TENM3: variants seen among roughly 807,000 people sequenced by gnomAD.
TENM3 encodes teneurin transmembrane protein 3.
Under a neutral mutation model 255.1 loss-of-function variants are expected in TENM3, and 63 were observed. The ratio of observed to expected loss-of-function variants is 0.25; its 90% CI spans 0.20 to 0.30. The LOEUF is 0.30. Among genes scored for constraint, TENM3 ranks in the 10% least tolerant of loss-of-function variants. TENM3 has a pLI of 1.00. For missense variants in TENM3, 2,929 were observed against 3,461.1 expected, an observed-to-expected ratio of 0.85 and a Z score of 3.86; for synonymous variants, 1,306 against 1,322.3, an observed-to-expected ratio of 0.99 and a Z score of 0.27.
intron 1 of TENM3, among the ~76,000 whole-genome samples, chr4:182,267,963 C>T (rs1759348582): frequency 6.6e-6 from 1 of 152,128 alleles, no homozygotes; most frequent in African/African-American, 2.4e-5. Context: ...TGTGAACCAA[C>T]CAGTGATCTC....
the TENM3 span, among the ~76,000 whole-genome samples, chr4:182,017,272 C>T: frequency 6.6e-6 from 1 of 152,246 alleles, no homozygotes; most frequent in South Asian, 2.1e-4. Context: ...AAAATACAGG[C>T]ATGAGAAATG....
At chr4:182,784,426 T>G (rs1765449357) in intron 24 of TENM3, among the ~76,000 whole-genome samples, 1 of 151,552 alleles carries the variant, frequency 6.6e-6, no homozygotes, top group South Asian at 2.1e-4. Context: ...GATCTCCAGC[T>G]GCGTGCTGGG....
the TENM3 span, among the ~76,000 whole-genome samples, chr4:181,912,215 C>T: frequency 6.6e-6 from 1 of 152,212 alleles, no homozygotes; most frequent in African/African-American, 2.4e-5. Flanking sequence ...AAGTTGACAA[C>T]TTAGTTGGAT....
chr4:182,754,398 G>T lies in TENM3; in HGVS notation c.4031G>T (p.Trp1344Leu). The T allele has an allele frequency of 6.2e-7, 1 of 1,601,996 alleles. No individual in the cohort carries two copies. Among genetic ancestry groups the T allele is most frequent in the Non-Finnish European group, 8.5e-7 (1 of 1,172,976 alleles). Residue 1344 changes from tryptophan to leucine, a missense_variant, in exon 22 of 28, where the codon TGG becomes TTG. Physicochemically the swap from Trp to Leu is moderately conservative, Grantham distance 61 (BLOSUM62 -2). Transcript: ENST00000511685. This position sits in a 1 kb window ranked among gnomAD's most constrained non-coding sequence, Gnocchi z 5.1. ...SMHISQVRLE[W>L]PTDLAINPMD... Reference sequence around the variant, plus strand: ...TTTTTTATTAAGGTACGTCTGGAATGGCCCACTGACCTAGCCATTAACCCT... The same window carrying T: ...TTTTTTATTAAGGTACGTCTGGAATTGCCCACTGACCTAGCCATTAACCCT...
At chr4:182,626,284 A>T (rs531891866) in intron 4 of TENM3, among the ~76,000 whole-genome samples, 1 of 152,182 alleles carries the variant, frequency 6.6e-6, no homozygotes, top group Non-Finnish European at 1.5e-5. Flanking sequence ...CCAGGGAATT[A>T]ATTTTGTACA....
rs138864089 is a variant in TENM3, at chr4:182,279,374, G to A, written c.-76+35898G>A. 5.6e-4 allele frequency among the ~76,000 whole-genome samples: 85 copies of A among 152,006 alleles called. No homozygotes were observed. The East Asian group carries it at 0.016, about 28-fold the overall frequency. On this transcript the variant is annotated intron_variant, in intron 1 of 27. Transcript: ENST00000511685. ...ATTATCATCTTTAGTATAAAATGTC[G>A]ATCAGTACTCCTCATAGTCTGGAAA...
At chr4:181,725,709 A>C in the TENM3 span, among the ~76,000 whole-genome samples, 1 of 152,042 alleles carries the variant, frequency 6.6e-6, no homozygotes. Flanking sequence ...CTCAAAATGC[A>C]GGGATTACAG....
At chr4:182,691,830 A>G (rs749735533) in intron 12 of TENM3, among the ~76,000 whole-genome samples, 2 of 152,246 alleles carry the variant, frequency 1.3e-5, no homozygotes, top group East Asian at 3.8e-4. Flanking sequence ...GAGAAGTTAC[A>G]TGATTAAACC....
At chr4:181,752,567 T>G in the TENM3 span, among the ~76,000 whole-genome samples, 2 of 151,874 alleles carry the variant, frequency 1.3e-5, no homozygotes, top group Non-Finnish European at 2.9e-5. Context: ...AAAATAAAAA[T>G]GGAATGTAGG....
chr4:182,710,579 T>G (rs1172633489), intron 12 of TENM3, among the ~76,000 whole-genome samples: 2 of 152,202 alleles, frequency 1.3e-5, no homozygotes, highest in African/African-American at 4.8e-5. Flanking sequence ...TACAGATGTA[T>G]CAAAACCATG....
At position 182,440,684 on chromosome 4, in the gene TENM3, T is replaced by C. The variant is rs568812752; in HGVS notation, c.511+93755T>C. ...TAATAATGAGTTTAACATGACGATG[T>C]GGATTTTAAGGGAAGATTTGAGAAT... On this transcript the variant is annotated intron_variant, in intron 3 of 27. Coordinates refer to ENST00000511685, the MANE Select transcript of TENM3 (RefSeq NM_001080477.4). Among the ~76,000 whole-genome samples, 18 of 152,254 alleles carry C rather than the reference T, an allele frequency of 1.2e-4. 1 individual carries two copies. The East Asian group carries it at 3.5e-3, about 29-fold the overall frequency.
the TENM3 span, among the ~76,000 whole-genome samples, chr4:181,939,182 C>T: frequency 6.6e-6 from 1 of 152,134 alleles, no homozygotes; most frequent in African/African-American, 2.4e-5. Context: ...AAAATCCTCT[C>T]CTTATTATTA....
chr4:182,058,313 G>T, the TENM3 span, among the ~76,000 whole-genome samples: 1 of 151,970 alleles, frequency 6.6e-6, no homozygotes, highest in Non-Finnish European at 1.5e-5. Flanking sequence ...GATACCATTT[G>T]CTTCCATCCT....
chr4:182,177,234 C>T (rs1752552861), intron 1 of TENM3, among the ~76,000 whole-genome samples: 1 of 152,118 alleles, frequency 6.6e-6, no homozygotes, highest in South Asian at 2.1e-4. Flanking sequence ...GATTCAGACA[C>T]CAAGACCCAA....
At chr4:182,024,583 T>C in the TENM3 span, among the ~76,000 whole-genome samples, 3,734 of 152,266 alleles carry the variant, frequency 0.025, 160 homozygotes, top group African/African-American at 0.083. Context: ...ATAGCAGGTG[T>C]ATATATTCAT....
At chr4:182,427,419 G>A (rs948988599) in intron 3 of TENM3, among the ~76,000 whole-genome samples, 1 of 152,168 alleles carries the variant, frequency 6.6e-6, no homozygotes, top group Non-Finnish European at 1.5e-5. Flanking sequence ...AAGGAAGCTG[G>A]ATTCCCCAGG....
chr4:182,165,616 C>T (rs1751652211), intron 1 of TENM3, among the ~76,000 whole-genome samples: 1 of 152,156 alleles, frequency 6.6e-6, no homozygotes, highest in Non-Finnish European at 1.5e-5. Context: ...AACTTTCCAT[C>T]AGGAACTCTG....
chr4:181,632,224 G>C, the TENM3 span, among the ~76,000 whole-genome samples: 3 of 152,180 alleles, frequency 2.0e-5, no homozygotes, highest in South Asian at 2.1e-4. Flanking sequence ...AGGAGAGAGA[G>C]AGTGGAGTGG....
the TENM3 span, among the ~76,000 whole-genome samples, chr4:181,663,285 C>T: frequency 6.6e-6 from 1 of 152,084 alleles, no homozygotes; most frequent in Non-Finnish European, 1.5e-5. Context: ...CTCCAGAGGC[C>T]TTCAGTTGGT....
Sources: allele counts gnomAD v4.1 joint callset (sites outside exome capture counted in the v4.1 genomes callset), GRCh38; gene constraint gnomAD v4.1.1; non-coding constraint Gnocchi (gnomAD v3.1); transcripts MANE v1.5; gene names NCBI Gene and HGNC (gene_info 2026-07-23, HGNC 2026-07-21).